The following GPC6 variants were observed in gnomAD, a reference collection of about 807,000 sequenced individuals.
The protein encoded by GPC6 is glypican-6.
A neutral mutation model predicts 55.2 loss-of-function variants in GPC6; 14 were observed. The observed-to-expected ratio is 0.25, with a 90% CI of 0.17 to 0.40. The LOEUF is 0.40. Ranked by LOEUF, GPC6 falls within the 10% of genes least tolerant of loss-of-function variation. GPC6 has a pLI of 1.00. For missense variants in GPC6, 641 were observed against 708.5 expected, an observed-to-expected ratio of 0.90 and a Z score of 1.08; for synonymous variants, 278 against 259.6, an observed-to-expected ratio of 1.07 and a Z score of -0.68.
rs138509551 is a variant in GPC6, at chr13:93,734,428, A to G, written c.320-95726A>G. ...GAGTGACAGATTGACTTGTTCTCCA[A>G]TTTGTCTGGGTGAAGAGCATTGAAC... On this transcript the variant is annotated intron_variant, in intron 2 of 8. Transcript: ENST00000377047. Among the ~76,000 whole-genome samples the G allele has an allele frequency of 8.3e-4, 127 of 152,276 alleles. 2 individuals are homozygous for G. Among genetic ancestry groups the G allele is most frequent in the Middle Eastern group, 3.4e-3 (1 of 294 alleles).
intron 3 of GPC6, among the ~76,000 whole-genome samples, chr13:93,910,890 G>A (rs78785101): frequency 0.035 from 5,328 of 152,272 alleles, 131 homozygotes; most frequent in Non-Finnish European, 0.057. Flanking sequence ...AACCCCCATA[G>A]TACTGTAGAT....
At chr13:93,805,536 AC>A (rs1886518450) in intron 2 of GPC6, among the ~76,000 whole-genome samples, 1 of 152,200 alleles carries the variant, frequency 6.6e-6, no homozygotes, top group Non-Finnish European at 1.5e-5. Context: ...ACTATCATAT[AC>A]TACATTTTAA....
intron 2 of GPC6, among the ~76,000 whole-genome samples, chr13:93,618,703 T>C (rs1167749164): frequency 6.6e-6 from 1 of 152,154 alleles, no homozygotes; most frequent in Non-Finnish European, 1.5e-5. Flanking sequence ...TTAACTCTAC[T>C]AGGATTTATT....
intron 3 of GPC6, among the ~76,000 whole-genome samples, chr13:93,972,108 A>G (rs763609454): frequency 5.3e-5 from 8 of 152,160 alleles, no homozygotes; most frequent in Non-Finnish European, 1.2e-4. Flanking sequence ...TGAAGCCACA[A>G]AGGCTTGGTC....
chr13:94,237,896 A>G (rs557081449), intron 4 of GPC6, among the ~76,000 whole-genome samples: 2 of 152,322 alleles, frequency 1.3e-5, no homozygotes, highest in Admixed American at 1.3e-4. Context: ...AATGAAAACA[A>G]GGAGCTGAGA....
intron 4 of GPC6, among the ~76,000 whole-genome samples, chr13:94,087,131 C>T (rs1885312418): frequency 6.6e-6 from 1 of 152,204 alleles, no homozygotes; most frequent in South Asian, 2.1e-4. Context: ...CACATTATTT[C>T]ATAGATTTAA....
intron 3 of GPC6, among the ~76,000 whole-genome samples, chr13:93,979,551 C>A (rs1566632191): frequency 6.6e-6 from 1 of 151,726 alleles, no homozygotes; most frequent in Non-Finnish European, 1.5e-5. Context: ...TGTTACTAGT[C>A]CATGACAAAT....
intron 1 of GPC6, among the ~76,000 whole-genome samples, chr13:93,387,103 C>T (rs1388037128): frequency 1.3e-5 from 2 of 151,570 alleles, no homozygotes; most frequent in African/African-American, 2.4e-5. Context: ...CTATTTCACA[C>T]ACTATGGTCA....
At chr13:93,879,485 T>A (rs1874822279) in intron 3 of GPC6, among the ~76,000 whole-genome samples, 1 of 151,954 alleles carries the variant, frequency 6.6e-6, no homozygotes. Context: ...ATTTAATAAA[T>A]GGTGCTGGGA....
intron 3 of GPC6, among the ~76,000 whole-genome samples, chr13:93,864,661 G>T (rs998679577): frequency 6.6e-6 from 1 of 151,708 alleles, no homozygotes; most frequent in Non-Finnish European, 1.5e-5. Context: ...TCTTCACAAT[G>T]ACCTTATAAG....
At chr13:94,170,301 G>GT (rs1462694578) in intron 4 of GPC6, among the ~76,000 whole-genome samples, 1 of 152,134 alleles carries the variant, frequency 6.6e-6, no homozygotes, top group Non-Finnish European at 1.5e-5. Flanking sequence ...ATGCTTGATG[G>GT]TTTTCACCAC....
chr13:93,521,713 A>G (rs1316290622), intron 1 of GPC6, among the ~76,000 whole-genome samples: 1 of 152,002 alleles, frequency 6.6e-6, no homozygotes, highest in Admixed American at 6.6e-5. Context: ...ATTGGTGGCA[A>G]GGCATCATTT....
At chr13:94,066,686 A>G (rs1884529109) in intron 4 of GPC6, among the ~76,000 whole-genome samples, 1 of 152,240 alleles carries the variant, frequency 6.6e-6, no homozygotes, top group African/African-American at 2.4e-5. Context: ...GTATTTTCTC[A>G]TAAAAAGTTT....
At chr13:93,520,610 T>A in intron 1 of GPC6, among the ~76,000 whole-genome samples, 1 of 152,080 alleles carries the variant, frequency 6.6e-6, no homozygotes, top group Non-Finnish European at 1.5e-5. Flanking sequence ...TTTAAAAATA[T>A]AATTAACATG....
At chr13:93,416,172 G>T (rs1418498956) in intron 1 of GPC6, among the ~76,000 whole-genome samples, 1 of 151,998 alleles carries the variant, frequency 6.6e-6, no homozygotes, top group East Asian at 1.9e-4. Flanking sequence ...AAATCACTGG[G>T]TACTGTCTCC....
At chr13:94,078,162 G>A (rs368388964) in intron 4 of GPC6, among the ~76,000 whole-genome samples, 58 of 151,870 alleles carry the variant, frequency 3.8e-4, no homozygotes, top group East Asian at 1.2e-3. Flanking sequence ...ATTTTTGAGC[G>A]ACCAATGGGA....
At chr13:93,322,431 C>CTTTTTTTTTTTT (rs71272281) in intron 1 of GPC6, among the ~76,000 whole-genome samples, 2 of 96,790 alleles carry the variant, frequency 2.1e-5, no homozygotes, top group Non-Finnish European at 3.9e-5. Context: ...TTTCTTTCTT[C>CTTTTTTTTTTTT]TTTTTTTTTT....
chr13:94,343,066 C>T (rs1878120635), intron 6 of GPC6, among the ~76,000 whole-genome samples: 1 of 152,262 alleles, frequency 6.6e-6, no homozygotes. Context: ...AATAAAGTAA[C>T]ACAGAAGTGA....
intron 1 of GPC6, among the ~76,000 whole-genome samples, chr13:93,276,491 A>AGTGT (rs1400328820): frequency 1.6e-4 from 20 of 128,708 alleles, no homozygotes; most frequent in East Asian, 2.6e-4. Context: ...AGAGAGAGAG[A>AGTGT]GAGAGTGTGT....
Sources: allele counts gnomAD v4.1 joint callset (sites outside exome capture counted in the v4.1 genomes callset), GRCh38; gene constraint gnomAD v4.1.1; transcripts MANE v1.5; gene names NCBI Gene and HGNC (gene_info 2026-07-23, HGNC 2026-07-21).